Variants in CDH13 observed in about 807,000 individuals in gnomAD.
The protein encoded by CDH13 is cadherin-13.
Under a neutral mutation model 63.8 loss-of-function variants are expected in CDH13, and 24 were observed. The ratio of observed to expected loss-of-function variants is 0.38; its 90% CI spans 0.27 to 0.53. The LOEUF (loss-of-function observed/expected upper bound fraction) is 0.53. CDH13 is among the 20% of genes least tolerant of loss of function. The pLI is 0.85. For missense variants in CDH13, 1,049 were observed against 903.1 expected (o/e 1.16, Z -2.07); for synonymous variants, 503 against 355.3 (o/e 1.42, Z -4.67).
chr16:83,791,548 C>T (rs967105111), intron 13 of CDH13, among the ~76,000 whole-genome samples: 2 of 152,060 alleles, frequency 1.3e-5, no homozygotes, highest in African/African-American at 4.8e-5. Context: ...TGGGGTGGCT[C>T]ATACCTGTAA....
intron 11 of CDH13, among the ~76,000 whole-genome samples, chr16:83,775,638 G>A (rs186963808): frequency 2.6e-5 from 4 of 151,952 alleles, no homozygotes; most frequent in African/African-American, 7.2e-5. Flanking sequence ...AGAAAATTCC[G>A]GCCAGGAGTG....
chr16:82,680,402 C>T (rs1026139519), intron 1 of CDH13, among the ~76,000 whole-genome samples: 12 of 152,250 alleles, frequency 7.9e-5, no homozygotes, highest in African/African-American at 2.6e-4. Context: ...CATCACAGTG[C>T]CAGGAGGTGC....
intron 10 of CDH13, among the ~76,000 whole-genome samples, chr16:83,743,642 G>C (rs1912262949): frequency 1.3e-5 from 2 of 151,564 alleles, no homozygotes. Context: ...GCAATAGAAT[G>C]CGGTTCATTT....
At chr16:83,045,524 C>G (rs370317247) in intron 3 of CDH13, among the ~76,000 whole-genome samples, 1 of 151,038 alleles carries the variant, frequency 6.6e-6, no homozygotes, top group Non-Finnish European at 1.5e-5. Context: ...GTAATCCCAG[C>G]TACTTGGGAG....
chr16:82,642,134 T>C (rs1909482983), intron 1 of CDH13, among the ~76,000 whole-genome samples: 1 of 150,838 alleles, frequency 6.6e-6, no homozygotes, highest in African/African-American at 2.4e-5. Context: ...CAAATGTGTG[T>C]TCACTAGTCG....
chr16:82,746,078 C>A (rs1207034056), intron 1 of CDH13, among the ~76,000 whole-genome samples: 1 of 151,762 alleles, frequency 6.6e-6, no homozygotes, highest in Non-Finnish European at 1.5e-5. Flanking sequence ...GGGAATCTAT[C>A]TATGTCTTTC....
At chr16:83,005,668 A>C (rs1253619310) in intron 2 of CDH13, among the ~76,000 whole-genome samples, 1 of 152,182 alleles carries the variant, frequency 6.6e-6, no homozygotes, top group Non-Finnish European at 1.5e-5. Flanking sequence ...AATTCTCATC[A>C]CAGCTCATGC....
chr16:82,668,831 G>C (rs113135923), intron 1 of CDH13, among the ~76,000 whole-genome samples: 1 of 152,188 alleles, frequency 6.6e-6, no homozygotes, highest in African/African-American at 2.4e-5. Context: ...TGTCAGAGAG[G>C]GGCTGTGAGC....
intron 1 of CDH13, among the ~76,000 whole-genome samples, chr16:82,714,662 C>T (rs1488132300): frequency 2.9e-5 from 4 of 139,806 alleles, no homozygotes; most frequent in East Asian, 4.2e-4. Context: ...TGCAGTGAGC[C>T]GAGATCAATC....
At chr16:83,478,836 G>GAAAAAAAAAA (rs374669824) in intron 6 of CDH13, among the ~76,000 whole-genome samples, 4 of 112,248 alleles carry the variant, frequency 3.6e-5, no homozygotes, top group Non-Finnish European at 3.6e-5. Context: ...TTGAAGATGA[G>GAAAAAAAAAA]AAAAAAAAAA....
intron 1 of CDH13, among the ~76,000 whole-genome samples, chr16:82,806,365 C>A (rs997480137): frequency 6.6e-6 from 1 of 152,150 alleles, no homozygotes; most frequent in Non-Finnish European, 1.5e-5. Context: ...CCCTGTCTAC[C>A]ATTGAAGGTA....
At chr16:83,226,130 C>G (rs1245383025) in intron 5 of CDH13, among the ~76,000 whole-genome samples, 1 of 152,186 alleles carries the variant, frequency 6.6e-6, no homozygotes, top group Non-Finnish European at 1.5e-5. Flanking sequence ...CCTCCCTACC[C>G]CTGCACCTCT....
chr16:83,045,772 C>G (rs1416838036), intron 3 of CDH13, among the ~76,000 whole-genome samples: 1 of 151,536 alleles, frequency 6.6e-6, no homozygotes, highest in Non-Finnish European at 1.5e-5. Context: ...ACACCCAAAA[C>G]TTAGGCAGTA....
intron 6 of CDH13, among the ~76,000 whole-genome samples, chr16:83,397,734 C>G (rs113344218): frequency 0.034 from 5,181 of 152,272 alleles, 122 homozygotes; most frequent in Middle Eastern, 0.065. Context: ...ATCTCTGTAT[C>G]TCCTTGTCCT....
chr16:82,896,930 G>T (rs183240172), intron 2 of CDH13, among the ~76,000 whole-genome samples: 1 of 151,788 alleles, frequency 6.6e-6, no homozygotes, highest in East Asian at 1.9e-4. Context: ...ACAGGTGCCC[G>T]CCATCACGCC....
intron 6 of CDH13, among the ~76,000 whole-genome samples, chr16:83,378,122 A>C (rs930000103): frequency 6.6e-6 from 1 of 152,234 alleles, no homozygotes; most frequent in Non-Finnish European, 1.5e-5. Flanking sequence ...TTGCAGAAGC[A>C]GCATCACCAT....
intron 3 of CDH13, among the ~76,000 whole-genome samples, chr16:83,033,704 C>T (rs543659737): frequency 6.6e-6 from 1 of 152,282 alleles, no homozygotes; most frequent in African/African-American, 2.4e-5. Context: ...ATTCAGGCTT[C>T]CCGATTGTGC....
chr16:82,719,697 T>G (rs572579336), intron 1 of CDH13, among the ~76,000 whole-genome samples: 1 of 151,816 alleles, frequency 6.6e-6, no homozygotes, highest in African/African-American at 2.4e-5. Context: ...AATACAAAAT[T>G]TATCTGGGTG....
At chr16:83,183,981 C>T (rs1567486445) in intron 4 of CDH13, among the ~76,000 whole-genome samples, 1 of 151,964 alleles carries the variant, frequency 6.6e-6, no homozygotes, top group African/African-American at 2.4e-5. Flanking sequence ...ACCCCCGTTT[C>T]TCAACTTGAA....
Sources: allele counts gnomAD v4.1 joint callset (sites outside exome capture counted in the v4.1 genomes callset), GRCh38; gene constraint gnomAD v4.1.1; transcripts MANE v1.5; gene names NCBI Gene and HGNC (gene_info 2026-07-23, HGNC 2026-07-21).